The following PRKCE variants were observed in gnomAD, a reference collection of about 807,000 sequenced individuals.
PRKCE encodes protein kinase C epsilon, also known as protein kinase C epsilon type.
PRKCE carries 16 observed loss-of-function variants against 85.4 expected under a neutral mutation model. The ratio of observed to expected loss-of-function variants is 0.19; its 90% CI spans 0.13 to 0.28. The LOEUF (loss-of-function observed/expected upper bound fraction) is 0.28. Ranked by LOEUF, PRKCE falls within the 10% of genes least tolerant of loss-of-function variation. The pLI is 1.00. For missense variants in PRKCE, 573 were observed against 975.2 expected, an observed-to-expected ratio of 0.59 and a Z score of 5.49; for synonymous variants, 388 against 371.5, an observed-to-expected ratio of 1.04 and a Z score of -0.51.
intron 2 of PRKCE, among the ~76,000 whole-genome samples, chr2:45,883,484 G>A (rs955490472): frequency 1.8e-4 from 28 of 152,314 alleles, no homozygotes; most frequent in African/African-American, 5.3e-4. Context: ...GTTCCCCGTC[G>A]TGCTGGGGGC....
At chr2:45,654,741 G>T (rs68115816) in intron 1 of PRKCE, among the ~76,000 whole-genome samples, 18,310 of 152,200 alleles carry the variant, frequency 0.12, 1,227 homozygotes, top group East Asian at 0.23. Flanking sequence ...AGTGGAGCAG[G>T]TTCAGAATGC....
chr2:45,761,486 T>C (rs759418390), intron 1 of PRKCE, among the ~76,000 whole-genome samples: 54 of 152,186 alleles, frequency 3.5e-4, no homozygotes, highest in Non-Finnish European at 6.3e-4. Flanking sequence ...CACAATGACG[T>C]CCAGAAGTAT....
Position 46,060,324 on chromosome 2 carries a change from C to CT in PRKCE, c.1438-25884_1438-25883insT, listed in dbSNP as rs895023244. 4.9e-3 allele frequency among the ~76,000 whole-genome samples: 317 copies of CT among 64,802 alleles called. 2 individuals are homozygous for CT. In the Middle Eastern group the frequency reaches 0.06, roughly 12 times the overall value. The allele number at this position is 64,802 out of a possible 152,430, so 42.5% of individuals were successfully genotyped here. ...CCATACGTCAGGTCAGACAGCCCTT[C>CT]CTCCTGGGCACTGCCCGGGCAGCCC... On this transcript the variant is annotated intron_variant, in intron 10 of 14. Coordinates refer to ENST00000306156, the MANE Select transcript of PRKCE (RefSeq NM_005400.3).
intron 1 of PRKCE, among the ~76,000 whole-genome samples, chr2:45,657,914 T>G (rs1675452832): frequency 6.6e-6 from 1 of 152,256 alleles, no homozygotes; most frequent in African/African-American, 2.4e-5. Context: ...GTGCTGATTC[T>G]GATGCCCCGA....
At chr2:45,835,941 C>G (rs1025767387) in intron 1 of PRKCE, among the ~76,000 whole-genome samples, 3 of 152,152 alleles carry the variant, frequency 2.0e-5, no homozygotes, top group Non-Finnish European at 2.9e-5. Flanking sequence ...ATGGATGTAG[C>G]ATGGTTTGCT....
chr2:46,017,807 C>G (rs928155335), intron 10 of PRKCE, among the ~76,000 whole-genome samples: 2 of 152,146 alleles, frequency 1.3e-5, no homozygotes, highest in African/African-American at 4.8e-5. Flanking sequence ...GATTTGTGGT[C>G]ACTCATTTTT....
intron 2 of PRKCE, among the ~76,000 whole-genome samples, chr2:45,973,818 C>T (rs1487503414): frequency 6.6e-6 from 1 of 152,208 alleles, no homozygotes; most frequent in African/African-American, 2.4e-5. Context: ...ACTGTAACCA[C>T]CGTCATAACA....
At chr2:46,110,734 T>G (rs1672180569) in intron 11 of PRKCE, among the ~76,000 whole-genome samples, 1 of 152,068 alleles carries the variant, frequency 6.6e-6, no homozygotes, top group Non-Finnish European at 1.5e-5. Context: ...GTTTCTGCCT[T>G]AGGTTTAAAT....
intron 2 of PRKCE, among the ~76,000 whole-genome samples, chr2:45,956,953 G>A (rs941883128): frequency 6.6e-6 from 1 of 151,760 alleles, no homozygotes; most frequent in African/African-American, 2.4e-5. Context: ...TTGATAAGGT[G>A]TTGTTCACAT....
rs767629792 is a variant in PRKCE, at chr2:46,001,507, C to T, written c.927C>T (p.Thr309=). The part of the protein sequence containing the change: ...IAKVLADLGV[T]PDKITNSGQR... Reference sequence around the variant, plus strand: ...AAGTACTGGCCGACCTGGGCGTTACCCCAGACAAAATCACCAACAGCGGCC... The same window carrying T: ...AAGTACTGGCCGACCTGGGCGTTACTCCAGACAAAATCACCAACAGCGGCC... Residue 309 remains threonine, a synonymous_variant, in exon 7 of 15, where the codon ACC becomes ACT. Transcript: ENST00000306156. This position sits in a 1 kb window ranked among gnomAD's most constrained non-coding sequence, Gnocchi z 4.4. 7.5e-6 allele frequency: 12 copies of T among 1,599,158 alleles called. No homozygotes were observed. Among genetic ancestry groups the T allele is most frequent in the Non-Finnish European group, 1.0e-5 (12 of 1,179,692 alleles).
chr2:45,881,084 C>T (rs1329318138), intron 2 of PRKCE, among the ~76,000 whole-genome samples: 2 of 141,326 alleles, frequency 1.4e-5, no homozygotes, highest in African/African-American at 5.3e-5. Flanking sequence ...ACCCGGGAGG[C>T]GGAGCTTGCA....
chr2:45,948,598 C>G (rs1253324588), intron 2 of PRKCE, among the ~76,000 whole-genome samples: 2 of 152,322 alleles, frequency 1.3e-5, no homozygotes, highest in South Asian at 4.2e-4. Flanking sequence ...ATGCCAGCAG[C>G]ACTGCACTCT....
At chr2:45,974,400 A>C (rs1702301827) in intron 2 of PRKCE, among the ~76,000 whole-genome samples, 1 of 152,134 alleles carries the variant, frequency 6.6e-6, no homozygotes, top group Non-Finnish European at 1.5e-5. Context: ...AGACTTTTTG[A>C]AACAATAAGC....
At chr2:46,079,029 T>C (rs1049058151) in intron 10 of PRKCE, among the ~76,000 whole-genome samples, 5 of 151,834 alleles carry the variant, frequency 3.3e-5, no homozygotes, top group Non-Finnish European at 5.9e-5. Context: ...ATACAAAAAT[T>C]AGCAAGGTGT....
At chr2:45,680,474 CT>C (rs1676801510) in intron 1 of PRKCE, among the ~76,000 whole-genome samples, 1 of 152,204 alleles carries the variant, frequency 6.6e-6, no homozygotes, top group South Asian at 2.1e-4. Flanking sequence ...AAACTTGTTT[CT>C]TTAACTGTTA....
intron 10 of PRKCE, among the ~76,000 whole-genome samples, chr2:46,027,039 T>C (rs978773921): frequency 1.3e-5 from 2 of 152,144 alleles, no homozygotes; most frequent in African/African-American, 2.4e-5. Context: ...CACGGTGATG[T>C]GTGCCTGTTG....
intron 2 of PRKCE, among the ~76,000 whole-genome samples, chr2:45,885,002 T>TTTTTTTTTG (rs375477829): frequency 0.025 from 2,389 of 97,448 alleles, 162 homozygotes; most frequent in Admixed American, 0.036. Context: ...TATATATATA[T>TTTTTTTTTG]TTGTTGTTGT....
chr2:46,165,395 G>C (rs1207261893), intron 14 of PRKCE, among the ~76,000 whole-genome samples: 4 of 152,202 alleles, frequency 2.6e-5, no homozygotes, highest in African/African-American at 9.7e-5. Flanking sequence ...GGGGTGGCTT[G>C]CTTCAGAGCA....
In PRKCE at chr2:45,652,852, T is replaced by G. The variant is rs1675190302; in HGVS notation, c.348+404T>G. On this transcript the variant is annotated intron_variant, in intron 1 of 14. Transcript: ENST00000306156. This position sits in a 1 kb window ranked among gnomAD's most constrained non-coding sequence, Gnocchi z 7.7. ...TGGAAAGGCACGTGGAGCCTTTGAC[T>G]GAAGGCTTCTTGCACGTCCTGGCTT... Among the ~76,000 whole-genome samples, 1 of 152,200 alleles carries G rather than the reference T, an allele frequency of 6.6e-6. No homozygotes were observed. Among genetic ancestry groups the G allele is most frequent in the Non-Finnish European group, 1.5e-5 (1 of 68,028 alleles).
Sources: gnomAD v4.1 joint callset for allele counts (sites outside exome capture counted in the v4.1 genomes callset) on GRCh38, gnomAD v4.1.1 for gene constraint, Gnocchi (gnomAD v3.1) non-coding constraint, MANE v1.5 for transcripts, NCBI Gene and HGNC (gene_info 2026-07-23, HGNC 2026-07-21) for gene names.